Variants in CAPN7 observed in about 807,000 individuals in gnomAD.
CAPN7 encodes the protein calpain-7.
In CAPN7, 72 loss-of-function variants were observed where a neutral mutation model predicts 115.2. That is an observed-to-expected ratio of 0.63 (90% CI 0.52 to 0.76). CAPN7 has a LOEUF of 0.76. Ranked by LOEUF, CAPN7 falls within the 30% of genes least tolerant of loss-of-function variation. CAPN7 has a pLI of 0.00. For missense variants in CAPN7, 905 were observed against 971.5 expected (o/e 0.93, Z 0.91); for synonymous variants, 344 against 322.3 (o/e 1.07, Z -0.72).
intron 9 of CAPN7, among the ~76,000 whole-genome samples, chr3:15,230,758 TAC>T (rs984459600): frequency 2.6e-5 from 4 of 152,208 alleles, no homozygotes; most frequent in Non-Finnish European, 4.4e-5. Flanking sequence ...AGAAAATGTA[TAC>T]AGTTTCAAAA....
In CAPN7 at chr3:15,246,732, G is replaced by T; in HGVS notation, c.2011G>T (p.Val671Leu). Reference sequence around the variant, plus strand: ...CAATACAGTCTTTTTTTAAATCTAGGTATATTCAGCATGCAGCTTTACTTT... The same window carrying T: ...CAATACAGTCTTTTTTTAAATCTAGTTATATTCAGCATGCAGCTTTACTTT... ...KQNTIHYTVR[V>L]YSACSFTFSK... Residue 671 changes from valine to leucine, a missense_variant and splice_region_variant, in exon 18 of 21, where the codon GTA (valine) becomes TTA (leucine). Around this residue, in one of 3 missense-constraint regions of CAPN7, gnomAD observed 620 missense variants for 703.4 expected, o/e 0.88. Coordinates refer to ENST00000253693, the MANE Select transcript of CAPN7 (RefSeq NM_014296.3). 2 of 1,590,228 alleles carry T rather than the reference G, an allele frequency of 1.3e-6. No homozygotes were observed. Among genetic ancestry groups the T allele is most frequent in the Non-Finnish European group, 8.6e-7 (1 of 1,160,204 alleles).
chr3:15,224,616 AAT>A (rs1553607155), intron 6 of CAPN7, among the ~76,000 whole-genome samples: 32 of 151,940 alleles, frequency 2.1e-4, no homozygotes, highest in African/African-American at 7.5e-4. Context: ...AGAAAAAAAA[AAT>A]GATGTGGAGA....
Position 15,240,590 on chromosome 3 carries a change from C to T in CAPN7, c.1525C>T (p.Pro509Ser). The change falls in exon 13 of 21, where the codon CCC (proline) becomes TCC (serine). Residue 509 changes from proline to serine, a missense_variant. Pro to Ser is a moderately conservative substitution (Grantham distance 74, BLOSUM62 -1). This residue lies in a region of CAPN7 where 620 missense variants were observed against 703.4 expected (regional missense o/e 0.88). Coordinates refer to ENST00000253693, the MANE Select transcript of CAPN7 (RefSeq NM_014296.3). ...GTTGCAAAAGTATTTAAACTTTGAT[C>T]CCCGAACAGCTCAGAAAATAGACAA... is the stretch of plus-strand genomic sequence containing the variant. ...PELQKYLNFDPRTAQKIDNGI... is the reference protein window; with the variant it reads ...PELQKYLNFDSRTAQKIDNGI... 1.2e-6 allele frequency: 2 copies of T among 1,605,436 alleles called. No homozygotes were observed. Among genetic ancestry groups the T allele is most frequent in the East Asian group, 4.5e-5 (2 of 44,766 alleles).
In CAPN7 at chr3:15,206,482, G is replaced by A; in HGVS notation, c.-14G>A. The A allele has an allele frequency of 6.5e-7, 1 of 1,536,064 alleles. No homozygotes were observed. Among genetic ancestry groups the A allele is most frequent in the Non-Finnish European group, 8.8e-7 (1 of 1,139,154 alleles). On this transcript the variant is annotated 5_prime_UTR_variant, in exon 1 of 21. Coordinates refer to ENST00000253693, the MANE Select transcript of CAPN7 (RefSeq NM_014296.3). ...AGGGCCTCCTTCCCTGCCCCGGCGC[G>A]GGGCCACTGCGCCATGGACGCCACA...
At chr3:15,220,334 C>G (rs932368867) in intron 4 of CAPN7, among the ~76,000 whole-genome samples, 1 of 152,222 alleles carries the variant, frequency 6.6e-6, no homozygotes, top group Admixed American at 6.5e-5. Flanking sequence ...CTCTGCAGCT[C>G]AAGCATCAGT....
chr3:15,211,939 A>G (rs1186918811), intron 1 of CAPN7, among the ~76,000 whole-genome samples, 165 bp from the exon 2 acceptor site: 2 of 152,140 alleles, frequency 1.3e-5, no homozygotes, highest in Non-Finnish European at 2.9e-5. Flanking sequence ...TGAAGAAAAC[A>G]TTGGAAGATT....
intron 19 of CAPN7, among the ~76,000 whole-genome samples, chr3:15,247,726 C>T (rs1014645116): frequency 1.3e-5 from 2 of 152,020 alleles, no homozygotes; most frequent in Non-Finnish European, 2.9e-5. Context: ...AATACAGCTT[C>T]TAGATGATAA....
chr3:15,245,624 G>A lies in CAPN7; in HGVS notation c.1963G>A (p.Val655Met). 6.2e-7 allele frequency: 1 copy of A among 1,613,858 alleles called. No individual in the cohort carries two copies. Among genetic ancestry groups the A allele is most frequent in the Non-Finnish European group, 8.5e-7 (1 of 1,179,908 alleles). The change falls in exon 17 of 21, where the codon GTG becomes ATG. Residue 655 changes from valine (V) to methionine (M), a missense_variant. By Grantham distance (21) the Val-to-Met change is conservative. Transcript: ENST00000253693. ...ACCTGGCACCCATACCTTTACATTA[G>A]TGGTTTCTCAATATGAAAAACAGAA... is the stretch of plus-strand genomic sequence containing the variant. ...TTPGTHTFTL[V>M]VSQYEKQNTI...
chr3:15,246,607 T>TA, intron 17 of CAPN7, 125 bp from the exon 18 acceptor site: 2 of 689,852 alleles, frequency 2.9e-6, no homozygotes, highest in Non-Finnish European at 5.1e-6. Flanking sequence ...CCTGACCTGA[T>TA]ACTAGGCTGC....
intron 8 of CAPN7, among the ~76,000 whole-genome samples, chr3:15,229,503 A>G (rs1694537304): frequency 6.9e-6 from 1 of 144,668 alleles, no homozygotes. Context: ...TGTTGATTAT[A>G]TGTTAAAATC....
At chr3:15,233,131 C>G (rs546081592) in intron 10 of CAPN7, among the ~76,000 whole-genome samples, 4 of 152,156 alleles carry the variant, frequency 2.6e-5, no homozygotes, top group African/African-American at 7.2e-5. Context: ...CAATAACCAG[C>G]CTGTGGCCTT....
At chr3:15,222,536 T>G (rs1252781968) in intron 5 of CAPN7, among the ~76,000 whole-genome samples, 1 of 152,214 alleles carries the variant, frequency 6.6e-6, no homozygotes, top group African/African-American at 2.4e-5. Flanking sequence ...TGCTGAAGAT[T>G]GTAATTGTAC....
At chr3:15,234,209 A>G (rs569710877) in intron 11 of CAPN7, among the ~76,000 whole-genome samples, 2 of 152,290 alleles carry the variant, frequency 1.3e-5, no homozygotes, top group South Asian at 4.1e-4. Flanking sequence ...CCAGCTACTC[A>G]GGAGGCTGAG....
At position 15,233,934 on chromosome 3, in the gene CAPN7, C is replaced by CT; in HGVS notation, c.1250dup (p.Ser418GlnfsTer2). ...ATTGCTATGCATTCAGATAGCCAAACTTTCAGTAAGGATAATTCTTTCAGA... is the reference window on the plus strand; with the variant it reads ...ATTGCTATGCATTCAGATAGCCAAACTTTTCAGTAAGGATAATTCTTTCAGA... On this transcript the variant is annotated frameshift_variant, in exon 11 of 21. Coordinates refer to ENST00000253693, the MANE Select transcript of CAPN7 (RefSeq NM_014296.3). LOFTEE classifies it high-confidence loss of function. 6.2e-7 allele frequency: 1 copy of CT among 1,600,908 alleles called. No individual in the cohort carries two copies. Among genetic ancestry groups the CT allele is most frequent in the Non-Finnish European group, 8.6e-7 (1 of 1,169,204 alleles).
At chr3:15,230,570 CT>C (rs1694625007) in intron 9 of CAPN7, 35 bp downstream of exon 9, 1 of 1,217,526 alleles carries the variant, frequency 8.2e-7, no homozygotes, top group Non-Finnish European at 1.2e-6. Flanking sequence ...CATCCCTTGT[CT>C]CTCTCCGTTC....
intron 5 of CAPN7, among the ~76,000 whole-genome samples, chr3:15,221,544 T>G (rs950578916): frequency 6.6e-6 from 1 of 152,164 alleles, no homozygotes; most frequent in South Asian, 2.1e-4. Flanking sequence ...TAATACACTT[T>G]GCTGAAAATC....
intron 3 of CAPN7, among the ~76,000 whole-genome samples, chr3:15,218,179 A>G (rs546561571): frequency 4.6e-5 from 7 of 152,184 alleles, no homozygotes; most frequent in Non-Finnish European, 1.0e-4. Flanking sequence ...CTTGAGACTA[A>G]ATGAGTGCTA....
At chr3:15,223,320 A>G (rs1004256669) in intron 5 of CAPN7, among the ~76,000 whole-genome samples, 155 bp from the exon 6 acceptor site, 1 of 152,182 alleles carries the variant, frequency 6.6e-6, no homozygotes, top group Non-Finnish European at 1.5e-5. Context: ...CAATTATTTT[A>G]TGAAAATATT....
At chr3:15,242,351 G>A in intron 16 of CAPN7, 98 bp downstream of exon 16, 5 of 725,158 alleles carry the variant, frequency 6.9e-6, no homozygotes. Flanking sequence ...AGATAATATA[G>A]AGAAATAATT....
Sources: gnomAD v4.1 joint callset for allele counts (sites outside exome capture counted in the v4.1 genomes callset) on GRCh38, gnomAD v4.1.1 for gene constraint, gnomAD v4.1.1 regional missense constraint, MANE v1.5 for transcripts, NCBI Gene and HGNC (gene_info 2026-07-23, HGNC 2026-07-21) for gene names.